Variants in TCF7L1 observed in about 807,000 individuals in gnomAD.
The protein encoded by TCF7L1 is transcription factor 7-like 1.
Under a neutral mutation model 63.7 loss-of-function variants are expected in TCF7L1, and 18 were observed. The observed-to-expected ratio is 0.28, with a 90% CI of 0.20 to 0.42. The LOEUF (loss-of-function observed/expected upper bound fraction) is 0.42, where lower values mean the gene tolerates loss of function less well. TCF7L1 is among the 10% of genes least tolerant of loss of function. TCF7L1 has a pLI of 1.00. For missense variants in TCF7L1, 654 were observed against 779.3 expected, an observed-to-expected ratio of 0.84 and a Z score of 1.91; for synonymous variants, 355 against 340.9, an observed-to-expected ratio of 1.04 and a Z score of -0.46.
At chr2:85,295,297 G>T (rs1681815975) in intron 4 of TCF7L1, among the ~76,000 whole-genome samples, 1 of 152,104 alleles carries the variant, frequency 6.6e-6, no homozygotes, top group African/African-American at 2.4e-5. Context: ...TGCCTCCCAG[G>T]TTCAAGCGAT....
chr2:85,283,406 C>T (rs535628191), intron 3 of TCF7L1, 89 bp from the exon 4 acceptor site: 9 of 1,427,340 alleles, frequency 6.3e-6, no homozygotes, highest in East Asian at 2.3e-5. Context: ...TGGCCTGCCC[C>T]GGTGCCCTAA....
intron 3 of TCF7L1, among the ~76,000 whole-genome samples, chr2:85,151,089 A>C (rs1574080190): frequency 6.6e-6 from 1 of 152,270 alleles, no homozygotes; most frequent in East Asian, 1.9e-4. Context: ...ATTTTCTCTG[A>C]AGCTTTTATA....
chr2:85,291,583 TG>T (rs1681718072), intron 4 of TCF7L1, among the ~76,000 whole-genome samples: 1 of 129,010 alleles, frequency 7.8e-6, no homozygotes, highest in African/African-American at 3.4e-5. Flanking sequence ...GTTTTGGTTT[TG>T]GTTTTGGTTT....
intron 5 of TCF7L1, among the ~76,000 whole-genome samples, chr2:85,303,065 G>C (rs750116820): frequency 3.9e-5 from 6 of 152,178 alleles, no homozygotes; most frequent in Non-Finnish European, 7.3e-5. Context: ...CAGTCTTGCT[G>C]TGTCGCCCAA....
chr2:85,258,996 G>C (rs1030871262), intron 3 of TCF7L1, among the ~76,000 whole-genome samples: 1 of 152,102 alleles, frequency 6.6e-6, no homozygotes, highest in East Asian at 1.9e-4. Context: ...CCCACCTCTT[G>C]GCCTAACTCT....
In TCF7L1 at chr2:85,293,024, A is replaced by C. The variant is rs553099017; in HGVS notation, c.525+9446A>C. Among the ~76,000 whole-genome samples, 19 of 152,332 alleles carry C rather than the reference A, an allele frequency of 1.2e-4. No individual in the cohort carries two copies. The South Asian group carries it at 3.9e-3, about 32-fold the overall frequency. ...AGGGGGAGGTTCAGGTCTTCTCCAC[A>C]TGGCTCTTATCCCAGGACCAGTGGC... On this transcript the variant is annotated intron_variant, in intron 4 of 11. Transcript: ENST00000282111.
intron 3 of TCF7L1, among the ~76,000 whole-genome samples, chr2:85,214,575 G>A (rs191518183): frequency 2.0e-5 from 3 of 152,320 alleles, no homozygotes; most frequent in Admixed American, 6.5e-5. Context: ...GTTAGAGTAG[G>A]AGTTACCTTG....
At position 85,144,749 on chromosome 2, in the gene TCF7L1, G is replaced by GTGTGTGTT. The variant is rs767439897; in HGVS notation, c.441+10300_441+10301insGTGTGTTT. On this transcript the variant is annotated intron_variant, in intron 3 of 11. Coordinates refer to ENST00000282111, the MANE Select transcript of TCF7L1 (RefSeq NM_031283.3). Reference sequence around the variant, plus strand: ...TGTGTGTGTGTGTGTGTGTGTGTGTGTATGTGTGTGTGTGTGTATGTATGT... The same window carrying GTGTGTGTT: ...TGTGTGTGTGTGTGTGTGTGTGTGTGTGTGTGTTTATGTGTGTGTGTGTGTATGTATGT... 4.5e-3 allele frequency among the ~76,000 whole-genome samples: 663 copies of GTGTGTGTT among 147,146 alleles called. 7 individuals are homozygous for GTGTGTGTT. The highest frequency in any genetic ancestry group is 0.016 in the African/African-American group (621 of 39,468).
intron 3 of TCF7L1, among the ~76,000 whole-genome samples, chr2:85,199,335 A>G (rs542300947): frequency 1.3e-5 from 2 of 152,370 alleles, no homozygotes; most frequent in South Asian, 4.1e-4. Context: ...GGAAGAGACA[A>G]TAAAATAAAA....
intron 3 of TCF7L1, among the ~76,000 whole-genome samples, chr2:85,182,072 G>A (rs1678815884): frequency 6.6e-6 from 1 of 152,194 alleles, no homozygotes; most frequent in East Asian, 1.9e-4. Flanking sequence ...ACATGGGGAG[G>A]AGGCAGGATG....
chr2:85,271,125 T>A (rs1681143785), intron 3 of TCF7L1, among the ~76,000 whole-genome samples: 1 of 151,948 alleles, frequency 6.6e-6, no homozygotes, highest in South Asian at 2.1e-4. Context: ...TTTCCTTTGT[T>A]TTTTTGATTC....
intron 3 of TCF7L1, among the ~76,000 whole-genome samples, chr2:85,260,493 T>G (rs1680833112): frequency 6.6e-6 from 1 of 151,564 alleles, no homozygotes; most frequent in East Asian, 1.9e-4. Context: ...AAAAAAAAAT[T>G]AGCAGGGCAT....
At chr2:85,158,050 G>A (rs1253847461) in intron 3 of TCF7L1, among the ~76,000 whole-genome samples, 1 of 152,188 alleles carries the variant, frequency 6.6e-6, no homozygotes, top group African/African-American at 2.4e-5. Context: ...CAGGGAAGGA[G>A]GAAGGACTGG....
Position 85,279,700 on chromosome 2 carries a change from T to A in TCF7L1, c.442-3795T>A, listed in dbSNP as rs1372809938. 2.0e-5 allele frequency among the ~76,000 whole-genome samples: 3 copies of A among 151,930 alleles called. No individual in the cohort carries two copies. The East Asian group carries it at 5.8e-4, about 29-fold the overall frequency. ...CATCTCCAAAACTTAAAAAGACAAA[T>A]AGAAAAGGGAAAGTCACGATCCTCC... On this transcript the variant is annotated intron_variant, in intron 3 of 11. Transcript: ENST00000282111.
At chr2:85,228,168 C>G (rs1680000144) in intron 3 of TCF7L1, among the ~76,000 whole-genome samples, 1 of 151,878 alleles carries the variant, frequency 6.6e-6, no homozygotes, top group African/African-American at 2.4e-5. Context: ...GCCTATAATC[C>G]CAACACTTTG....
chr2:85,260,991 C>T (rs1439725252), intron 3 of TCF7L1, among the ~76,000 whole-genome samples: 6 of 152,122 alleles, frequency 3.9e-5, no homozygotes, highest in African/African-American at 1.4e-4. Flanking sequence ...TGCACACGTC[C>T]TGTGAGATCC....
At chr2:85,154,129 G>A (rs1306329837) in intron 3 of TCF7L1, among the ~76,000 whole-genome samples, 1 of 152,190 alleles carries the variant, frequency 6.6e-6, no homozygotes, top group African/African-American at 2.4e-5. Context: ...TCGCTGGTTT[G>A]TGCTATGGAC....
chr2:85,302,704 C>A, intron 5 of TCF7L1, 88 bp downstream of exon 5: 1 of 1,489,704 alleles, frequency 6.7e-7, no homozygotes, highest in Admixed American at 2.1e-5. Context: ...ATCAGGCTGA[C>A]CTGGGTTCAA....
Position 85,165,032 on chromosome 2 carries a change from A to C in TCF7L1, c.441+30582A>C, listed in dbSNP as rs145606817. ...TTTCCTTTGCAATGCTGTGTATTTA[A>C]TTTGTGCATTTAGCATCATTCTGTG... On this transcript the variant is annotated intron_variant, in intron 3 of 11. Coordinates refer to ENST00000282111, the MANE Select transcript of TCF7L1 (RefSeq NM_031283.3). Among the ~76,000 whole-genome samples, 795 of 152,294 alleles carry C rather than the reference A, an allele frequency of 5.2e-3. 3 individuals carry two copies. The highest frequency in any genetic ancestry group is 0.018 in the African/African-American group (758 of 41,580).
Sources: allele counts gnomAD v4.1 joint callset (sites outside exome capture counted in the v4.1 genomes callset), GRCh38; gene constraint gnomAD v4.1.1; transcripts MANE v1.5; gene names NCBI Gene and HGNC (gene_info 2026-07-23, HGNC 2026-07-21).